Variants in SSBP3 observed in about 807,000 individuals in gnomAD.
The protein encoded by SSBP3 is single stranded DNA binding protein 3.
A neutral mutation model predicts 69.6 loss-of-function variants in SSBP3; 5 were observed. That is an observed-to-expected ratio of 0.07 (90% CI 0.04 to 0.15). The LOEUF is 0.15. SSBP3 is among the 10% of genes least tolerant of loss of function. SSBP3 has a pLI of 1.00. For missense variants in SSBP3, 312 were observed against 534.0 expected (o/e 0.58, Z 4.10); for synonymous variants, 196 against 193.4 (o/e 1.01, Z -0.11).
intron 13 of SSBP3, 88 bp from the exon 14 acceptor site, chr1:54,239,287 T>C: frequency 1.9e-6 from 2 of 1,079,690 alleles, no homozygotes; most frequent in Non-Finnish European, 2.7e-6. Flanking sequence ...CATTCTTTTG[T>C]ATTTTATAAC....
chr1:54,412,607 G>C (rs183917807), intron 1 of SSBP3: 2 of 152,364 alleles, frequency 1.3e-5, no homozygotes, highest in East Asian at 3.9e-4. Context: ...AAAAGATCTG[G>C]AAATGGATGA....
chr1:54,374,855 A>T (rs1647191265), intron 4 of SSBP3, among the ~76,000 whole-genome samples: 1 of 152,206 alleles, frequency 6.6e-6, no homozygotes, highest in Non-Finnish European at 1.5e-5. Flanking sequence ...AACATTCTTT[A>T]GTTTTCATTT....
chr1:54,311,775 A>G (rs1646007660), intron 4 of SSBP3, among the ~76,000 whole-genome samples: 1 of 152,132 alleles, frequency 6.6e-6, no homozygotes, highest in African/African-American at 2.4e-5. Flanking sequence ...GAGCCAAACC[A>G]TCATCACTAT....
At chr1:54,273,161 G>A (rs1645225061) in intron 5 of SSBP3, among the ~76,000 whole-genome samples, 1 of 152,252 alleles carries the variant, frequency 6.6e-6, no homozygotes, top group Non-Finnish European at 1.5e-5. Context: ...TCTCCCAGGC[G>A]CTGCCTGCTG....
intron 4 of SSBP3, among the ~76,000 whole-genome samples, chr1:54,379,095 C>T (rs998199219): frequency 6.6e-6 from 1 of 152,158 alleles, no homozygotes; most frequent in Admixed American, 6.5e-5. Context: ...CCTCCAGCCC[C>T]GATCTGCCAC....
intron 14 of SSBP3, among the ~76,000 whole-genome samples, chr1:54,235,729 T>C (rs1458730084): frequency 6.6e-6 from 1 of 152,150 alleles, no homozygotes; most frequent in Non-Finnish European, 1.5e-5. Context: ...ATTACAGGCA[T>C]GAGCCACCGT....
chr1:54,348,606 G>C lies in SSBP3; in HGVS notation c.276+53255C>G, dbSNP rs539708453. Among the ~76,000 whole-genome samples the C allele has an allele frequency of 6.0e-4, 92 of 152,302 alleles. 1 individual carries two copies. The highest frequency in any genetic ancestry group is 2.0e-3 in the African/African-American group (82 of 41,552). ...GATTTCCAATACCGGGGACTTGCTG[G>C]GGCCAAGTCAATACTGGAAGGCCAA... On this transcript the variant is annotated intron_variant, in intron 4 of 17. Transcript: ENST00000610401.
chr1:54,338,986 C>T (rs990351400), intron 4 of SSBP3, among the ~76,000 whole-genome samples: 2 of 152,126 alleles, frequency 1.3e-5, no homozygotes, highest in African/African-American at 2.4e-5. Flanking sequence ...AAACACACAC[C>T]TTTTCTCACA....
At chr1:54,277,480 A>G (rs1459316935) in intron 5 of SSBP3, among the ~76,000 whole-genome samples, 1 of 152,190 alleles carries the variant, frequency 6.6e-6, no homozygotes, top group African/African-American at 2.4e-5. Context: ...AGAGCACCCC[A>G]TGAGGAACCA....
At position 54,326,993 on chromosome 1, in the gene SSBP3, G is replaced by A. The variant is rs1219454876; in HGVS notation, c.277-45466C>T. Among the ~76,000 whole-genome samples the A allele has an allele frequency of 2.0e-5, 3 of 152,000 alleles. No homozygotes were observed. In the East Asian group the frequency reaches 5.8e-4, roughly 29 times the overall value. ...GTGGTGGTGGGTGGGGGGTGCCCAA[G>A]ATGTTTCTGGGGATTTCAAGGACAG... On this transcript the variant is annotated intron_variant, in intron 4 of 17. Transcript: ENST00000610401.
chr1:54,363,019 G>A (rs978923111), intron 4 of SSBP3, among the ~76,000 whole-genome samples: 4 of 152,040 alleles, frequency 2.6e-5, no homozygotes, highest in African/African-American at 7.3e-5. Context: ...ATTTACACAG[G>A]GAGTCTTGGA....
chr1:54,294,317 T>C (rs12134750), intron 4 of SSBP3, among the ~76,000 whole-genome samples: 20,504 of 151,654 alleles, frequency 0.14, 1,432 homozygotes, highest in Non-Finnish European at 0.15. Flanking sequence ...AACTCGCCCC[T>C]CCCCTCCAAA....
intron 4 of SSBP3, among the ~76,000 whole-genome samples, chr1:54,366,259 ACTATACC>A (rs1413379530): frequency 6.6e-6 from 1 of 152,120 alleles, no homozygotes; most frequent in African/African-American, 2.4e-5. Context: ...CAGAGTACTA[ACTATACC>A]CATTCCTGCA....
At chr1:54,399,923 TCTCA>T (rs1649172855) in intron 4 of SSBP3, among the ~76,000 whole-genome samples, 1 of 152,022 alleles carries the variant, frequency 6.6e-6, no homozygotes, top group African/African-American at 2.4e-5. Flanking sequence ...AGGCTCTGAC[TCTCA>T]GGCCACATGA....
At chr1:54,359,833 C>T (rs1477808027) in intron 4 of SSBP3, among the ~76,000 whole-genome samples, 1 of 152,132 alleles carries the variant, frequency 6.6e-6, no homozygotes, top group Non-Finnish European at 1.5e-5. Context: ...CACAGCAACA[C>T]CACTGGCCTG....
intron 14 of SSBP3, among the ~76,000 whole-genome samples, chr1:54,230,362 C>T (rs1227796090): frequency 6.6e-6 from 1 of 152,192 alleles, no homozygotes; most frequent in Non-Finnish European, 1.5e-5. Flanking sequence ...ACAGCCATGC[C>T]AGACCCCCAA....
chr1:54,288,928 G>A (rs1053211666), intron 4 of SSBP3, among the ~76,000 whole-genome samples: 2 of 150,128 alleles, frequency 1.3e-5, no homozygotes, highest in Admixed American at 6.7e-5. Context: ...GCTGAGGCAG[G>A]AGACTCGCGT....
intron 4 of SSBP3, among the ~76,000 whole-genome samples, chr1:54,369,228 G>GGGGGGC (rs2100668591): frequency 7.1e-6 from 1 of 140,678 alleles, no homozygotes; most frequent in African/African-American, 2.7e-5. Flanking sequence ...CGGGGGGGGG[G>GGGGGGC]CCCAAGCCAG....
chr1:54,276,737 C>T (rs918700759), intron 5 of SSBP3, among the ~76,000 whole-genome samples: 1 of 151,948 alleles, frequency 6.6e-6, no homozygotes, highest in Admixed American at 6.6e-5. Context: ...CAGATCTGGC[C>T]AAGACATTAT....
Sources: gnomAD v4.1 joint callset for allele counts (sites outside exome capture counted in the v4.1 genomes callset) on GRCh38, gnomAD v4.1.1 for gene constraint, MANE v1.5 for transcripts, NCBI Gene and HGNC (gene_info 2026-07-23, HGNC 2026-07-21) for gene names.